BCAS3: variants seen among roughly 807,000 people sequenced by gnomAD.
The protein encoded by BCAS3 is BCAS4/BCAS3 fusion.
Under a neutral mutation model 116.1 loss-of-function variants are expected in BCAS3, and 53 were observed. The observed-to-expected ratio is 0.46, with a 90% CI of 0.37 to 0.57. The LOEUF (loss-of-function observed/expected upper bound fraction) is 0.57. BCAS3 is among the 20% of genes least tolerant of loss of function. The probability of loss-of-function intolerance (pLI) is 0.00; values close to 1 mark genes in which losing one functional copy is unlikely to be tolerated. For missense variants in BCAS3, 917 were observed against 1,165.4 expected, an observed-to-expected ratio of 0.79 and a Z score of 3.10; for synonymous variants, 391 against 408.2, an observed-to-expected ratio of 0.96 and a Z score of 0.51.
rs142486168 is a variant in BCAS3, at chr17:60,704,708, C to T, written c.215-4511C>T. Reference sequence around the variant, plus strand: ...CAAAAATTAGCCGGGCATGGTGGTGCGTGCCTATAATCCCAGCTACTCAGG... The same window carrying T: ...CAAAAATTAGCCGGGCATGGTGGTGTGTGCCTATAATCCCAGCTACTCAGG... On this transcript the variant is annotated intron_variant, in intron 4 of 23. Coordinates refer to ENST00000407086, the MANE Select transcript of BCAS3 (RefSeq NM_017679.5). Among the ~76,000 whole-genome samples the T allele has an allele frequency of 4.6e-5, 7 of 151,866 alleles. No individual in the cohort carries two copies. In the East Asian group the frequency reaches 1.2e-3, roughly 25 times the overall value.
At position 61,213,145 on chromosome 17, in the gene BCAS3, A is replaced by G. The variant is rs532455135; in HGVS notation, c.2425+128581A>G. Among the ~76,000 whole-genome samples, 7 of 151,884 alleles carry G rather than the reference A, an allele frequency of 4.6e-5. No homozygotes were observed. Among genetic ancestry groups the G allele is most frequent in the Admixed American group, 2.0e-4 (3 of 15,226 alleles). On this transcript the variant is annotated intron_variant, in intron 22 of 23. Coordinates refer to ENST00000407086, the MANE Select transcript of BCAS3 (RefSeq NM_017679.5). The surrounding 1 kb of genome is among the most constrained non-coding windows in gnomAD (Gnocchi z 5.4). ...TTTCCTTTCCTTGTTAAATTGTTAT[A>G]TATATATTTTTGTTTGTTTGTTTGT... is the stretch of plus-strand genomic sequence containing the variant.
chr17:60,817,865 T>A (rs1299783181), intron 7 of BCAS3, among the ~76,000 whole-genome samples: 3 of 151,882 alleles, frequency 2.0e-5, no homozygotes, highest in African/African-American at 7.3e-5. Context: ...ATTTTTTTTT[T>A]TTTTTTTGAG....
In BCAS3 at chr17:61,282,385, A is replaced by G. The variant is rs138986931; in HGVS notation, c.2426-85942A>G. 4.7e-3 allele frequency among the ~76,000 whole-genome samples: 712 copies of G among 152,354 alleles called. 10 individuals carry two copies. The highest frequency in any genetic ancestry group is 0.016 in the African/African-American group (665 of 41,590). ...GGCCTCTGGTGAAAGGTTCTCCCCA[A>G]GTGTCCAAACTAGTACCTTTTAAGA... On this transcript the variant is annotated intron_variant, in intron 22 of 23. Coordinates refer to ENST00000407086, the MANE Select transcript of BCAS3 (RefSeq NM_017679.5). This position sits in a 1 kb window ranked among gnomAD's most constrained non-coding sequence, Gnocchi z 5.9.
rs940570275 is a variant in BCAS3, at chr17:61,324,467, G to A, written c.2426-43860G>A. Reference sequence around the variant, plus strand: ...ATATGTACATGTAATATTTGTGTGCGTTTAATCCCAGTTCTAGTATATCCT... The same window carrying A: ...ATATGTACATGTAATATTTGTGTGCATTTAATCCCAGTTCTAGTATATCCT... On this transcript the variant is annotated intron_variant, in intron 22 of 23. Transcript: ENST00000407086. This position sits in a 1 kb window ranked among gnomAD's most constrained non-coding sequence, Gnocchi z 4.6. 6.6e-6 allele frequency among the ~76,000 whole-genome samples: 1 copy of A among 152,144 alleles called. No individual in the cohort carries two copies. Among genetic ancestry groups the A allele is most frequent in the Admixed American group, 6.6e-5 (1 of 15,262 alleles).
chr17:61,094,769 G>A (rs950835595), intron 22 of BCAS3, among the ~76,000 whole-genome samples: 2 of 152,156 alleles, frequency 1.3e-5, no homozygotes, highest in African/African-American at 4.8e-5. Context: ...GCTTGAACCC[G>A]GGAGGCAGAG....
At chr17:60,810,454 A>G in intron 7 of BCAS3, 1 of 633,216 alleles carries the variant, frequency 1.6e-6, no homozygotes, top group South Asian at 1.4e-5. Flanking sequence ...CTGCCTGGAC[A>G]GAGCAAGGAG....
chr17:61,070,566 A>G (rs563992577), intron 19 of BCAS3, among the ~76,000 whole-genome samples: 1 of 151,820 alleles, frequency 6.6e-6, no homozygotes, highest in East Asian at 1.9e-4. Context: ...CCTTTGTAAT[A>G]TAAGAATGTA....
chr17:60,748,209 T>G (rs1473217163), intron 6 of BCAS3, among the ~76,000 whole-genome samples: 1 of 152,232 alleles, frequency 6.6e-6, no homozygotes, highest in Non-Finnish European at 1.5e-5. Flanking sequence ...TTTTGAAAAC[T>G]TATGACATTG....
At chr17:61,067,167 T>G (rs1016505959) in intron 19 of BCAS3, among the ~76,000 whole-genome samples, 1 of 149,794 alleles carries the variant, frequency 6.7e-6, no homozygotes, top group African/African-American at 2.5e-5. Flanking sequence ...TATTATTAAT[T>G]GACTTTTTGG....
intron 7 of BCAS3, among the ~76,000 whole-genome samples, chr17:60,824,945 C>T (rs1023127295): frequency 2.6e-5 from 4 of 152,264 alleles, no homozygotes; most frequent in South Asian, 4.1e-4. Context: ...GCAGGAGGAT[C>T]GCTTGAGCCC....
At chr17:61,277,760 C>T (rs2050894176) in intron 22 of BCAS3, among the ~76,000 whole-genome samples, 1 of 152,082 alleles carries the variant, frequency 6.6e-6, no homozygotes, top group African/African-American at 2.4e-5. Flanking sequence ...CATCATTAAC[C>T]ATCAGAGATA....
At chr17:61,123,680 A>G (rs1374568495) in intron 22 of BCAS3, among the ~76,000 whole-genome samples, 2 of 151,334 alleles carry the variant, frequency 1.3e-5, no homozygotes, top group East Asian at 1.9e-4. Flanking sequence ...TTAATTCTCT[A>G]CTTGTAGTGC....
At chr17:60,757,979 G>A (rs2043162753) in intron 6 of BCAS3, among the ~76,000 whole-genome samples, 1 of 152,188 alleles carries the variant, frequency 6.6e-6, no homozygotes, top group Non-Finnish European at 1.5e-5. Flanking sequence ...TATGCATATG[G>A]ATATTGAATT....
chr17:61,015,698 G>A (rs1184090010), intron 15 of BCAS3, 53 bp from the exon 16 acceptor site: 15 of 1,573,828 alleles, frequency 9.5e-6, no homozygotes, highest in South Asian at 4.4e-5. Flanking sequence ...GATAGAGAAC[G>A]GGAGATAGAG....
chr17:60,776,083 G>C (rs781765928), intron 6 of BCAS3, among the ~76,000 whole-genome samples: 1 of 152,160 alleles, frequency 6.6e-6, no homozygotes, highest in Non-Finnish European at 1.5e-5. Flanking sequence ...AATTTAAAGA[G>C]AGACTTATTT....
intron 22 of BCAS3, among the ~76,000 whole-genome samples, chr17:61,147,480 C>A (rs2077291617): frequency 6.6e-6 from 1 of 152,150 alleles, no homozygotes; most frequent in Non-Finnish European, 1.5e-5. Context: ...ACCTTGGCCT[C>A]CAAAAGTGCT....
At chr17:61,033,064 C>T (rs2066758764) in intron 16 of BCAS3, among the ~76,000 whole-genome samples, 1 of 152,122 alleles carries the variant, frequency 6.6e-6, no homozygotes, top group East Asian at 1.9e-4. Context: ...AACTGGGAAA[C>T]TGAGATTACC....
At chr17:60,698,617 AC>A (rs1453392994) in intron 4 of BCAS3, among the ~76,000 whole-genome samples, 9 of 152,230 alleles carry the variant, frequency 5.9e-5, no homozygotes, top group Non-Finnish European at 1.5e-5. Context: ...TGGCATTTGA[AC>A]CTGGGATCAA....
chr17:60,948,306 A>G (rs1359111148), intron 14 of BCAS3, among the ~76,000 whole-genome samples: 2 of 151,934 alleles, frequency 1.3e-5, no homozygotes, highest in Non-Finnish European at 2.9e-5. Context: ...ACGGTGTTTC[A>G]CCATATTGGC....
Sources: allele counts gnomAD v4.1 joint callset (sites outside exome capture counted in the v4.1 genomes callset), GRCh38; gene constraint gnomAD v4.1.1; non-coding constraint Gnocchi (gnomAD v3.1); transcripts MANE v1.5; gene names NCBI Gene and HGNC (gene_info 2026-07-23, HGNC 2026-07-21).